BNC2: variants seen among roughly 807,000 people sequenced by gnomAD.
BNC2 encodes the protein zinc finger protein basonuclin-2.
BNC2 carries 20 observed loss-of-function variants against 76.3 expected under a neutral mutation model. That is an observed-to-expected ratio of 0.26 (90% confidence interval 0.18 to 0.38). BNC2 has a LOEUF of 0.38. Ranked by LOEUF, BNC2 falls within the 10% of genes least tolerant of loss-of-function variation. BNC2 has a pLI of 1.00. For missense variants in BNC2, 1,382 were observed against 1,399.8 expected (o/e 0.99, Z 0.20); for synonymous variants, 582 against 514.8 (o/e 1.13, Z -1.77).
intron 5 of BNC2, among the ~76,000 whole-genome samples, chr9:16,545,189 T>C (rs1818441480): frequency 2.6e-5 from 4 of 152,232 alleles, no homozygotes; most frequent in Admixed American, 2.6e-4. Context: ...GCTGCTCTTT[T>C]TCTCTACTGG....
At chr9:16,665,433 GA>G (rs1301740742) in intron 3 of BNC2, among the ~76,000 whole-genome samples, 12 of 80,894 alleles carry the variant, frequency 1.5e-4, no homozygotes, top group Admixed American at 5.3e-4. Context: ...AGAAAGGAAA[GA>G]AAAGAAAGAA....
chr9:16,770,418 A>G (rs1279433847), intron 1 of BNC2, among the ~76,000 whole-genome samples: 2 of 152,210 alleles, frequency 1.3e-5, no homozygotes, highest in African/African-American at 4.8e-5. Context: ...AATTACTGAC[A>G]TCGACATCTC....
chr9:16,716,702 T>C (rs1429591992), intron 3 of BNC2, among the ~76,000 whole-genome samples: 1 of 152,248 alleles, frequency 6.6e-6, no homozygotes, highest in African/African-American at 2.4e-5. Flanking sequence ...ACGTAGGCTA[T>C]GACCAGTCAT....
chr9:16,587,064 T>A (rs565683788), intron 3 of BNC2, among the ~76,000 whole-genome samples: 1 of 152,306 alleles, frequency 6.6e-6, no homozygotes, highest in Non-Finnish European at 1.5e-5. Flanking sequence ...TAGCATAAAG[T>A]TGTTACTACT....
At chr9:16,515,885 G>T (rs578218995) in intron 5 of BNC2, among the ~76,000 whole-genome samples, 3 of 150,734 alleles carry the variant, frequency 2.0e-5, no homozygotes, top group African/African-American at 7.3e-5. Context: ...TCTGACAATT[G>T]TAACATGAAA....
chr9:16,609,302 T>C (rs1207517041), intron 3 of BNC2, among the ~76,000 whole-genome samples: 2 of 152,112 alleles, frequency 1.3e-5, no homozygotes, highest in Non-Finnish European at 2.9e-5. Flanking sequence ...AAGCTTGAGC[T>C]GCAAGGAAAG....
intron 5 of BNC2, among the ~76,000 whole-genome samples, chr9:16,503,093 G>A (rs533085045): frequency 2.4e-4 from 37 of 152,220 alleles, no homozygotes; most frequent in African/African-American, 7.5e-4. Flanking sequence ...GAGAAATTGC[G>A]CACAGTTTGC....
chr9:16,845,749 T>G (rs1280705759), intron 1 of BNC2, among the ~76,000 whole-genome samples: 1 of 151,596 alleles, frequency 6.6e-6, no homozygotes, highest in African/African-American at 2.4e-5. Context: ...AATAGGAAAA[T>G]TATACCAAGA....
At chr9:16,454,307 A>T (rs1216899105) in intron 5 of BNC2, among the ~76,000 whole-genome samples, 2 of 151,392 alleles carry the variant, frequency 1.3e-5, no homozygotes, top group African/African-American at 2.4e-5. Context: ...TACAATTATT[A>T]TTTTTTAATT....
intron 1 of BNC2, among the ~76,000 whole-genome samples, chr9:16,774,803 C>G (rs1310615781): frequency 6.6e-6 from 1 of 152,160 alleles, no homozygotes; most frequent in Non-Finnish European, 1.5e-5. Flanking sequence ...TTGGGCTGAA[C>G]AACCCAGGAC....
chr9:16,783,555 A>G (rs1218478244), intron 1 of BNC2, among the ~76,000 whole-genome samples: 1 of 152,236 alleles, frequency 6.6e-6, no homozygotes, highest in Non-Finnish European at 1.5e-5. Context: ...TGATTAAACA[A>G]TTTTACTATT....
At chr9:16,740,740 C>G (rs1824822677) in intron 1 of BNC2, among the ~76,000 whole-genome samples, 1 of 151,724 alleles carries the variant, frequency 6.6e-6, no homozygotes, top group Non-Finnish European at 1.5e-5. Context: ...GGGGATGAAG[C>G]CAAGAGAGAA....
rs1000532679 is a variant in BNC2 at position 16,464,107 on chromosome 9, A to AG, written c.670-26584_670-26583insC. Among the ~76,000 whole-genome samples, 5 of 151,826 alleles carry AG rather than the reference A, an allele frequency of 3.3e-5. No homozygotes were observed. In the East Asian group the frequency reaches 9.7e-4, roughly 29 times the overall value. On this transcript the variant is annotated intron_variant, in intron 5 of 6. Coordinates refer to ENST00000380672, the MANE Select transcript of BNC2 (RefSeq NM_017637.6). ...AGACCCTGTCTCCAAAAAAAAAAAAAAAAAAAGAAAGAAGACAAATATAAA... is the reference window on the plus strand; with the variant it reads ...AGACCCTGTCTCCAAAAAAAAAAAAAGAAAAAAGAAAGAAGACAAATATAAA...
At chr9:16,866,663 T>TAAA (rs55953726) in intron 1 of BNC2, among the ~76,000 whole-genome samples, 6 of 96,818 alleles carry the variant, frequency 6.2e-5, no homozygotes, top group African/African-American at 2.5e-4. Context: ...CTGTCACTTT[T>TAAA]AAAAAAAAAA....
At chr9:16,507,742 C>T (rs558695022) in intron 5 of BNC2, among the ~76,000 whole-genome samples, 29 of 152,168 alleles carry the variant, frequency 1.9e-4, no homozygotes, top group South Asian at 4.1e-4. Flanking sequence ...CCTTCTTCTA[C>T]GCTTCCATTC....
At chr9:16,795,316 A>G (rs777914415) in intron 1 of BNC2, among the ~76,000 whole-genome samples, 4 of 152,064 alleles carry the variant, frequency 2.6e-5, no homozygotes, top group Non-Finnish European at 4.4e-5. Context: ...GAGACGCCCA[A>G]TCTGCACGCC....
At chr9:16,676,590 A>G (rs1455153622) in intron 3 of BNC2, among the ~76,000 whole-genome samples, 1 of 152,252 alleles carries the variant, frequency 6.6e-6, no homozygotes, top group East Asian at 1.9e-4. Context: ...GAGAGAATGC[A>G]GAAATGTAGT....
chr9:16,547,502 TGAG>T (rs1818522613), intron 5 of BNC2, among the ~76,000 whole-genome samples: 2 of 152,214 alleles, frequency 1.3e-5, no homozygotes, highest in Admixed American at 1.3e-4. Flanking sequence ...TGTTCCCTAG[TGAG>T]GAGGCCAGAA....
At chr9:16,659,334 G>C (rs146675403) in intron 3 of BNC2, among the ~76,000 whole-genome samples, 2 of 152,118 alleles carry the variant, frequency 1.3e-5, no homozygotes, top group Non-Finnish European at 2.9e-5. Context: ...AGCTTGCGGC[G>C]GGCACAGTGG....
Sources: allele counts gnomAD v4.1 joint callset (sites outside exome capture counted in the v4.1 genomes callset), GRCh38; gene constraint gnomAD v4.1.1; transcripts MANE v1.5; gene names NCBI Gene and HGNC (gene_info 2026-07-23, HGNC 2026-07-21).